GDA: variants seen among roughly 807,000 people sequenced by gnomAD.
GDA encodes guanine deaminase.
Under a neutral mutation model 59.6 loss-of-function variants are expected in GDA, and 18 were observed. That is an observed-to-expected ratio of 0.30 (90% CI 0.21 to 0.45). The LOEUF (loss-of-function observed/expected upper bound fraction) is 0.45. Ranked by LOEUF, GDA falls within the 20% of genes least tolerant of loss-of-function variation. The pLI is 1.00. For synonymous variants in GDA, 201 were observed against 201.1 expected (o/e 1.00, Z 0.00); for missense variants, 427 against 552.3 (o/e 0.77, Z 2.27).
intron 1 of GDA, among the ~76,000 whole-genome samples, chr9:72,136,758 G>A (rs1342777004): frequency 1.3e-5 from 2 of 152,102 alleles, no homozygotes; most frequent in Non-Finnish European, 2.9e-5. Context: ...GGCGGATCAC[G>A]AGGTCAGGAG....
intron 8 of GDA, among the ~76,000 whole-genome samples, chr9:72,227,216 G>A (rs1049145551): frequency 2.6e-5 from 4 of 152,150 alleles, no homozygotes; most frequent in Non-Finnish European, 4.4e-5. Context: ...TTTTGAAAGA[G>A]TAAAGTCTTA....
chr9:72,173,024 T>C (rs1219228804), intron 1 of GDA, among the ~76,000 whole-genome samples: 2 of 152,214 alleles, frequency 1.3e-5, no homozygotes, highest in Non-Finnish European at 2.9e-5. Context: ...TACTTTCCTA[T>C]GGCTGCCATA....
chr9:72,185,451 G>A (rs1335009440), intron 1 of GDA, among the ~76,000 whole-genome samples: 2 of 151,972 alleles, frequency 1.3e-5, no homozygotes, highest in African/African-American at 4.8e-5. Flanking sequence ...AGTCCGACGG[G>A]GTTTTTTCCC....
At chr9:72,212,258 G>T (rs1432778904) in intron 4 of GDA, among the ~76,000 whole-genome samples, 1 of 152,076 alleles carries the variant, frequency 6.6e-6, no homozygotes, top group Non-Finnish European at 1.5e-5. Context: ...CGAGGCGGGC[G>T]GATCATGAGG....
intron 1 of GDA, among the ~76,000 whole-genome samples, chr9:72,191,936 C>T (rs1832606592): frequency 6.6e-6 from 1 of 152,042 alleles, no homozygotes; most frequent in Admixed American, 6.6e-5. Flanking sequence ...TATCCTTGAT[C>T]TTTGAGAGTT....
intron 1 of GDA, among the ~76,000 whole-genome samples, chr9:72,119,271 G>A (rs1006984445): frequency 2.0e-5 from 3 of 152,188 alleles, no homozygotes; most frequent in Non-Finnish European, 4.4e-5. Context: ...TCAGGAGGCC[G>A]AGGGGGGCAG....
intron 1 of GDA, among the ~76,000 whole-genome samples, chr9:72,175,611 A>G (rs192265743): frequency 9.8e-4 from 149 of 152,314 alleles, no homozygotes; most frequent in Non-Finnish European, 4.4e-5. Flanking sequence ...TTGAAAGATG[A>G]ACCTTTTGAA....
chr9:72,185,391 C>T lies in GDA; in HGVS notation c.124-10109C>T, dbSNP rs192338345. ...GATCTGAAGATCTAAGTCCCTCATG[C>T]CTCATGCTATTCTTTGATGCCTTTG... On this transcript the variant is annotated intron_variant, in intron 1 of 13. Coordinates refer to ENST00000358399, the MANE Select transcript of GDA (RefSeq NM_004293.5). Among the ~76,000 whole-genome samples the T allele has an allele frequency of 1.6e-4, 25 of 152,324 alleles. 1 individual carries two copies. Among genetic ancestry groups the T allele is most frequent in the South Asian group, 6.2e-4 (3 of 4,824 alleles).
intron 4 of GDA, among the ~76,000 whole-genome samples, chr9:72,211,166 G>A (rs897246757): frequency 6.6e-6 from 1 of 152,100 alleles, no homozygotes; most frequent in Non-Finnish European, 1.5e-5. Flanking sequence ...TAGAGTCAGG[G>A]CACTGTGCTA....
chr9:72,179,846 C>A (rs971803566), intron 1 of GDA, among the ~76,000 whole-genome samples: 1 of 152,134 alleles, frequency 6.6e-6, no homozygotes, highest in Non-Finnish European at 1.5e-5. Context: ...CATTTTCTTT[C>A]TATATGTGTT....
At chr9:72,153,266 T>C (rs1827450425) in intron 1 of GDA, among the ~76,000 whole-genome samples, 2 of 152,148 alleles carry the variant, frequency 1.3e-5, no homozygotes, top group South Asian at 4.1e-4. Flanking sequence ...ATTGACTTGG[T>C]GATGCGGGCT....
chr9:72,140,653 C>T (rs917505853), intron 1 of GDA, among the ~76,000 whole-genome samples: 21 of 152,008 alleles, frequency 1.4e-4, no homozygotes, highest in East Asian at 1.2e-3. Context: ...TTATGTGTTC[C>T]GGGCCATTAA....
chr9:72,131,340 C>A (rs1370797620), intron 1 of GDA, among the ~76,000 whole-genome samples: 1 of 152,168 alleles, frequency 6.6e-6, no homozygotes, highest in Non-Finnish European at 1.5e-5. Flanking sequence ...CCCTCCCTGC[C>A]AAGAATCTTG....
chr9:72,172,481 C>T (rs942211047), intron 1 of GDA, among the ~76,000 whole-genome samples: 3 of 152,148 alleles, frequency 2.0e-5, no homozygotes, highest in Admixed American at 2.0e-4. Context: ...GGATTCAAAC[C>T]TAGGTCTTCG....
At chr9:72,245,360 C>G in intron 12 of GDA, 82 bp downstream of exon 12, 1 of 1,026,224 alleles carries the variant, frequency 9.7e-7, no homozygotes, top group South Asian at 1.4e-5. Context: ...AAAATAGAAA[C>G]CGAAACTTTT....
chr9:72,155,064 T>C (rs1024081530), intron 1 of GDA, among the ~76,000 whole-genome samples: 1 of 152,194 alleles, frequency 6.6e-6, no homozygotes, highest in Non-Finnish European at 1.5e-5. Flanking sequence ...ACTTGCGATG[T>C]GAACAATGAG....
intron 9 of GDA, chr9:72,228,299 T>G (rs1837862404): frequency 2.6e-6 from 1 of 391,106 alleles, no homozygotes; most frequent in Non-Finnish European, 4.7e-6. Flanking sequence ...CAATAGGGAA[T>G]ACAACATAAA....
intron 6 of GDA, among the ~76,000 whole-genome samples, chr9:72,220,540 C>CTCAG (rs1238548891): frequency 6.6e-6 from 1 of 152,138 alleles, no homozygotes; most frequent in Non-Finnish European, 1.5e-5. Context: ...TTAGGACAAT[C>CTCAG]TCAGTCACTG....
At chr9:72,194,962 C>T (rs1832972068) in intron 1 of GDA, among the ~76,000 whole-genome samples, 1 of 152,152 alleles carries the variant, frequency 6.6e-6, no homozygotes, top group Non-Finnish European at 1.5e-5. Flanking sequence ...TCCACCAGTG[C>T]CCAGAAATGC....
Sources: allele counts gnomAD v4.1 joint callset (sites outside exome capture counted in the v4.1 genomes callset), GRCh38; gene constraint gnomAD v4.1.1; transcripts MANE v1.5; gene names NCBI Gene and HGNC (gene_info 2026-07-23, HGNC 2026-07-21).